The following FILIP1 variants were observed in gnomAD, a reference collection of about 807,000 sequenced individuals.
The protein encoded by FILIP1 is filamin A interacting protein 1.
FILIP1 carries 61 observed loss-of-function variants against 102.1 expected under a neutral mutation model. That is an observed-to-expected ratio of 0.60 (90% confidence interval 0.49 to 0.74). The LOEUF (loss-of-function observed/expected upper bound fraction) is 0.74, where lower values mean the gene tolerates loss of function less well. FILIP1 is among the 30% of genes least tolerant of loss of function. FILIP1 has a pLI of 0.00. For missense variants in FILIP1, 1,314 were observed against 1,441.2 expected (o/e 0.91, Z 1.43); for synonymous variants, 491 against 526.9 (o/e 0.93, Z 0.93).
intron 1 of FILIP1, among the ~76,000 whole-genome samples, chr6:75,449,338 A>C (rs1040622996): frequency 6.6e-6 from 1 of 152,110 alleles, no homozygotes; most frequent in African/African-American, 2.4e-5. Flanking sequence ...AAAGGATGGG[A>C]GGGCAGTGAG....
At chr6:75,378,150 T>C (rs745535913) in intron 2 of FILIP1, among the ~76,000 whole-genome samples, 2 of 152,174 alleles carry the variant, frequency 1.3e-5, no homozygotes, top group Non-Finnish European at 2.9e-5. Context: ...GTTACTTAAT[T>C]AACATTGAAC....
At chr6:75,428,432 G>GAA (rs1777707630) in intron 1 of FILIP1, 1 of 153,674 alleles carries the variant, frequency 6.5e-6, no homozygotes, top group Non-Finnish European at 1.5e-5. Flanking sequence ...ACCACCTCCA[G>GAA]TTTCTGAATT....
intron 1 of FILIP1, among the ~76,000 whole-genome samples, chr6:75,491,483 C>A (rs909632448): frequency 3.3e-5 from 5 of 152,104 alleles, no homozygotes; most frequent in African/African-American, 1.2e-4. Context: ...TAAAACCAAT[C>A]TCGTGGTCAT....
chr6:75,315,565 T>C (rs1288808820), intron 4 of FILIP1, among the ~76,000 whole-genome samples: 5 of 152,230 alleles, frequency 3.3e-5, no homozygotes, highest in African/African-American at 1.2e-4. Flanking sequence ...AAGTAAAACT[T>C]AGGTTGTGCA....
intron 4 of FILIP1, among the ~76,000 whole-genome samples, chr6:75,315,676 C>A (rs1294037067): frequency 6.6e-6 from 1 of 152,150 alleles, no homozygotes; most frequent in Admixed American, 6.5e-5. Context: ...ACTATCATCA[C>A]CATGAAAAAA....
chr6:75,481,423 T>C (rs949875925), intron 1 of FILIP1, among the ~76,000 whole-genome samples: 1 of 152,182 alleles, frequency 6.6e-6, no homozygotes, highest in Non-Finnish European at 1.5e-5. Context: ...TATGACAATG[T>C]TGGCATCTCA....
intron 1 of FILIP1, among the ~76,000 whole-genome samples, chr6:75,432,779 C>T (rs1047156491): frequency 1.3e-5 from 2 of 152,022 alleles, no homozygotes; most frequent in Non-Finnish European, 2.9e-5. Flanking sequence ...TGTGCAGCAT[C>T]CATTAACTCG....
At chr6:75,367,793 T>C (rs1463198128) in intron 2 of FILIP1, 1 of 152,228 alleles carries the variant, frequency 6.6e-6, no homozygotes, top group Non-Finnish European at 1.5e-5. Context: ...AGATCCTATA[T>C]TTTGGGGATA....
intron 6 of FILIP1, among the ~76,000 whole-genome samples, chr6:75,302,991 AC>A (rs1259616332): frequency 6.6e-6 from 1 of 152,026 alleles, no homozygotes; most frequent in African/African-American, 2.4e-5. Flanking sequence ...AGTAGTTAAA[AC>A]CCTCAATTTA....
intron 4 of FILIP1, among the ~76,000 whole-genome samples, chr6:75,353,293 T>C (rs1269590817): frequency 6.6e-6 from 1 of 152,184 alleles, no homozygotes; most frequent in African/African-American, 2.4e-5. Context: ...TACAGTTTCA[T>C]GGCCTTTAAC....
At chr6:75,302,273 G>GT (rs1772859928) in intron 6 of FILIP1, among the ~76,000 whole-genome samples, 1 of 152,044 alleles carries the variant, frequency 6.6e-6, no homozygotes, top group South Asian at 2.1e-4. Context: ...TGGACTTCCT[G>GT]TAATTCTGCC....
At chr6:75,434,811 A>T (rs908013294) in intron 1 of FILIP1, among the ~76,000 whole-genome samples, 1 of 152,196 alleles carries the variant, frequency 6.6e-6, no homozygotes, top group Admixed American at 6.5e-5. Flanking sequence ...GCAGTATGAT[A>T]TTGGCTGTGG....
chr6:75,299,659 T>G (rs1772782003), intron 6 of FILIP1, among the ~76,000 whole-genome samples: 1 of 152,192 alleles, frequency 6.6e-6, no homozygotes, highest in Non-Finnish European at 1.5e-5. Flanking sequence ...CTTGACGTTT[T>G]TTTCCTTAAA....
In FILIP1 at chr6:75,308,325, A is replaced by C. The variant is rs1023532464; in HGVS notation, c.*366T>G. 4 of 1,012,126 alleles carry C rather than the reference A, an allele frequency of 4.0e-6. No homozygotes were observed. The highest frequency in any genetic ancestry group is 4.7e-6 in the Non-Finnish European group (4 of 845,750). The allele number at this position is 1,012,126 out of a possible 1,614,324, so 62.7% of individuals were successfully genotyped here. A position where few individuals can be genotyped will look rare whatever the true frequency, so the allele number is the denominator to read the frequency against. On this transcript the variant is annotated 3_prime_UTR_variant, in exon 6 of 6. Transcript: ENST00000237172. ...AATTATTGTGGAACAAGGTACATTA[A>C]ATTTGGCTTGCAATTAGGAAATATG...
chr6:75,325,747 T>C (rs1318836442), intron 4 of FILIP1, among the ~76,000 whole-genome samples: 1 of 152,154 alleles, frequency 6.6e-6, no homozygotes, highest in Non-Finnish European at 1.5e-5. Flanking sequence ...AAAATAGATG[T>C]TGGCATGGAT....
At chr6:75,393,842 A>T (rs1008143383) in intron 2 of FILIP1, among the ~76,000 whole-genome samples, 7 of 152,202 alleles carry the variant, frequency 4.6e-5, no homozygotes, top group African/African-American at 1.7e-4. Flanking sequence ...GAGGAATGTT[A>T]AAAGGTGGGA....
chr6:75,401,699 G>C lies in FILIP1; in HGVS notation c.276+12998C>G, dbSNP rs1464797690. ...AATAAAGTCCTATTGTACAGCACAG[G>C]TCTAGACCTTATCTCTCCCAAGCTT... On this transcript the variant is annotated intron_variant, in intron 2 of 5. Transcript: ENST00000237172. Among the ~76,000 whole-genome samples the C allele has an allele frequency of 4.6e-5, 7 of 152,186 alleles. No individual in the cohort carries two copies. The South Asian group carries it at 1.2e-3, about 27-fold the overall frequency.
chr6:75,430,188 G>T (rs1777780209), intron 1 of FILIP1, among the ~76,000 whole-genome samples: 1 of 152,166 alleles, frequency 6.6e-6, no homozygotes, highest in Non-Finnish European at 1.5e-5. Context: ...TGCCATGTAA[G>T]ACGTGCCTGC....
intron 2 of FILIP1, among the ~76,000 whole-genome samples, chr6:75,385,922 G>A (rs1351100365): frequency 6.7e-5 from 10 of 150,350 alleles, no homozygotes; most frequent in Admixed American, 6.6e-4. Flanking sequence ...GGAAATCTTT[G>A]CCGTACTAGC....
Sources: allele counts gnomAD v4.1 joint callset (sites outside exome capture counted in the v4.1 genomes callset), GRCh38; gene constraint gnomAD v4.1.1; transcripts MANE v1.5; gene names NCBI Gene and HGNC (gene_info 2026-07-23, HGNC 2026-07-21).